PCM1: variants seen among roughly 807,000 people sequenced by gnomAD.
PCM1 encodes the protein pericentriolar material 1 protein.
A neutral mutation model predicts 241.9 loss-of-function variants in PCM1; 157 were observed. That is an observed-to-expected ratio of 0.65 (90% CI 0.57 to 0.74). PCM1 has a LOEUF of 0.74. Among genes scored for constraint, PCM1 ranks in the 30% least tolerant of loss-of-function variants. The probability of loss-of-function intolerance (pLI) is 0.00; values close to 1 mark genes in which losing one functional copy is unlikely to be tolerated. For missense variants in PCM1, 3,478 were observed against 2,360.1 expected, an observed-to-expected ratio of 1.47 and a Z score of -9.81; for synonymous variants, 1,085 against 784.9, an observed-to-expected ratio of 1.38 and a Z score of -6.39.
intron 29 of PCM1, among the ~76,000 whole-genome samples, chr8:18,001,143 C>T (rs1440856296): frequency 6.6e-6 from 1 of 152,082 alleles, no homozygotes; most frequent in Admixed American, 6.5e-5. Flanking sequence ...AAAAGCGGAG[C>T]CAGGGTTGAC....
chr8:17,981,843 G>A (rs2080939393), intron 24 of PCM1, among the ~76,000 whole-genome samples: 1 of 151,488 alleles, frequency 6.6e-6, no homozygotes, highest in Non-Finnish European at 1.5e-5. Context: ...GAAAGCTTCA[G>A]AAGTCATGCC....
intron 7 of PCM1, among the ~76,000 whole-genome samples, chr8:17,947,952 G>C (rs1370299171): frequency 6.6e-6 from 1 of 152,140 alleles, no homozygotes; most frequent in Non-Finnish European, 1.5e-5. Flanking sequence ...AAGTTGTGTT[G>C]AATTTCTTAG....
At chr8:17,937,438 A>T (rs2060740730) in intron 4 of PCM1, 59 bp downstream of exon 4, 1 of 1,380,262 alleles carries the variant, frequency 7.2e-7, no homozygotes, top group African/African-American at 1.5e-5. Flanking sequence ...GAAATGGATT[A>T]AATAATTTGT....
chr8:18,015,311 A>C (rs867516554), intron 36 of PCM1, among the ~76,000 whole-genome samples: 1 of 152,188 alleles, frequency 6.6e-6, no homozygotes, highest in Non-Finnish European at 1.5e-5. Context: ...TGAAAATTCA[A>C]GTGAAGCCCA....
At chr8:18,023,602 G>T (rs1409174990) in intron 36 of PCM1, among the ~76,000 whole-genome samples, 1 of 152,174 alleles carries the variant, frequency 6.6e-6, no homozygotes, top group Non-Finnish European at 1.5e-5. Flanking sequence ...AAATTTAAAA[G>T]ATCTTAATAA....
intron 27 of PCM1, 51 bp downstream of exon 27, chr8:17,990,030 C>T: frequency 2.8e-6 from 4 of 1,425,820 alleles, no homozygotes; most frequent in Non-Finnish European, 3.7e-6. Context: ...TGATCTGGTC[C>T]AGTCTTTGAA....
At chr8:18,025,743 T>G in intron 38 of PCM1, 85 bp downstream of exon 38, 1 of 767,658 alleles carries the variant, frequency 1.3e-6, no homozygotes, top group Non-Finnish European at 2.1e-6. Flanking sequence ...TTAAATATGC[T>G]ACTACTGACC....
intron 23 of PCM1, among the ~76,000 whole-genome samples, chr8:17,978,688 A>T (rs928898727): frequency 6.6e-6 from 1 of 152,194 alleles, no homozygotes; most frequent in Non-Finnish European, 1.5e-5. Context: ...TAAAGAAACA[A>T]CCTGTGAATC....
intron 36 of PCM1, among the ~76,000 whole-genome samples, chr8:18,015,089 G>A (rs1035517546): frequency 3.9e-5 from 6 of 151,990 alleles, no homozygotes; most frequent in Non-Finnish European, 8.8e-5. Context: ...TCTTAAGTTC[G>A]GCTCTGAAGT....
intron 29 of PCM1, among the ~76,000 whole-genome samples, chr8:18,005,670 G>A (rs1197006343): frequency 6.6e-6 from 1 of 152,112 alleles, no homozygotes; most frequent in Non-Finnish European, 1.5e-5. Flanking sequence ...TGACTGAAGT[G>A]ATTTGTTAAG....
chr8:17,951,023 G>T (rs372637153), intron 8 of PCM1, among the ~76,000 whole-genome samples: 5 of 152,268 alleles, frequency 3.3e-5, no homozygotes, highest in Admixed American at 6.5e-5. Flanking sequence ...ACTGGATGAC[G>T]TATTCTTTTT....
Position 17,960,200 on chromosome 8 carries a change from A to G in PCM1, c.2192+35A>G, listed in dbSNP as rs924627228. On this transcript the variant is annotated intron_variant, in intron 14 of 38. Coordinates refer to ENST00000325083, the MANE Select transcript of PCM1 (RefSeq NM_006197.4). ...GCTTTTGGCCTTCATTTAATATAAT[A>G]AAAATTTAGTGCCTGTTTTGGAGAA... The G allele has an allele frequency of 4.5e-6, 7 of 1,546,538 alleles. No homozygotes were observed. The East Asian group carries it at 1.6e-4, about 36-fold the overall frequency.
At position 18,026,260 on chromosome 8, in the gene PCM1, CTT is replaced by C. The variant is rs35129825; in HGVS notation, c.6049+617_6049+618del. On this transcript the variant is annotated intron_variant, in intron 38 of 38. Coordinates refer to ENST00000325083, the MANE Select transcript of PCM1 (RefSeq NM_006197.4). ...AAATATTATAAATAGCAAAAACCCA[CTT>C]TTTTTTTTTTTTTTGAGACAGAGTC... is the stretch of plus-strand genomic sequence containing the variant. Among the ~76,000 whole-genome samples the C allele has an allele frequency of 1.1e-3, 121 of 109,192 alleles. 1 individual carries two copies. Among genetic ancestry groups the C allele is most frequent in the Middle Eastern group, 0.012 (2 of 162 alleles). The allele number at this position is 109,192 out of a possible 152,430, so 71.6% of individuals were successfully genotyped here.
rs141933671 is a variant in PCM1, at chr8:17,930,600, C to A, written c.-22-4989C>A. Among the ~76,000 whole-genome samples the A allele has an allele frequency of 2.0e-4, 30 of 151,570 alleles. No homozygotes were observed. The East Asian group carries it at 5.7e-3, about 29-fold the overall frequency. Reference sequence around the variant, plus strand: ...TTTTGGGAAATGTTGTGAATGTGGCCGGGTGCGGTGGCTCACGCCTGTAAT... The same window carrying A: ...TTTTGGGAAATGTTGTGAATGTGGCAGGGTGCGGTGGCTCACGCCTGTAAT... On this transcript the variant is annotated intron_variant, in intron 2 of 38. Coordinates refer to ENST00000325083, the MANE Select transcript of PCM1 (RefSeq NM_006197.4).
chr8:17,933,419 C>G (rs931159963), intron 2 of PCM1, among the ~76,000 whole-genome samples: 2 of 152,038 alleles, frequency 1.3e-5, no homozygotes, highest in Admixed American at 6.5e-5. Context: ...TATGTTTATT[C>G]TTCCAGATAA....
intron 2 of PCM1, among the ~76,000 whole-genome samples, chr8:17,931,236 G>GGGGGAATTTATTGTGAT (rs1476804452): frequency 1.3e-5 from 2 of 152,150 alleles, no homozygotes; most frequent in African/African-American, 4.8e-5. Flanking sequence ...CTGCATTTTA[G>GGGGGAATTTATTGTGAT]GGGGAATTTA....
chr8:17,953,875 GA>G (rs2067004326), intron 9 of PCM1, among the ~76,000 whole-genome samples: 1 of 152,118 alleles, frequency 6.6e-6, no homozygotes, highest in Non-Finnish European at 1.5e-5. Flanking sequence ...AGTCAGTAGG[GA>G]CAACTTCCAA....
Position 17,962,070 on chromosome 8 carries a change from A to G in PCM1, c.2359A>G (p.Lys787Glu). 6.2e-7 allele frequency: 1 copy of G among 1,611,968 alleles called. No homozygotes were observed. The highest frequency in any genetic ancestry group is 8.5e-7 in the Non-Finnish European group (1 of 1,178,798). ...AASVGNCPTK[K>E]YMPAVTSTPT... ...TAGTGTGGGTAACTGTCCCACCAAAAAATATATGCCAGCTGTTACTTCAAC... is the reference window on the plus strand; with the variant it reads ...TAGTGTGGGTAACTGTCCCACCAAAGAATATATGCCAGCTGTTACTTCAAC... Residue 787 changes from lysine to glutamate, a missense_variant, in exon 16 of 39, where the codon AAA (lysine) becomes GAA (glutamate). Coordinates refer to ENST00000325083, the MANE Select transcript of PCM1 (RefSeq NM_006197.4).
In PCM1 at chr8:17,968,783, C is replaced by CA. The variant is rs1554688891; in HGVS notation, c.3413-794_3413-793insA. On this transcript the variant is annotated intron_variant, in intron 21 of 38. Transcript: ENST00000325083. ...GTGTGTATATATATATATATACACACCACAGTGTTTTTTCTTTATAGGATT... is the reference window on the plus strand; with the variant it reads ...GTGTGTATATATATATATATACACACACACAGTGTTTTTTCTTTATAGGATT... Among the ~76,000 whole-genome samples, 302 of 138,440 alleles carry CA rather than the reference C, an allele frequency of 2.2e-3. 4 individuals carry two copies. The East Asian group carries it at 0.049, about 22-fold the overall frequency. 90.8% of individuals were successfully genotyped at this position (138,440 alleles called of 152,430 possible).
Sources: allele counts gnomAD v4.1 joint callset (sites outside exome capture counted in the v4.1 genomes callset), GRCh38; gene constraint gnomAD v4.1.1; transcripts MANE v1.5; gene names NCBI Gene and HGNC (gene_info 2026-07-23, HGNC 2026-07-21).